Variants in ITGAV observed in about 807,000 individuals in gnomAD.
ITGAV encodes the protein integrin alpha-V.
ITGAV carries 76 observed loss-of-function variants against 143.8 expected under a neutral mutation model. That is an observed-to-expected ratio of 0.53 (90% CI 0.44 to 0.64). The LOEUF is 0.64. Among genes scored for constraint, ITGAV ranks in the 30% least tolerant of loss-of-function variants. The pLI, the probability that ITGAV is intolerant of heterozygous loss-of-function variation, is 0.00. For synonymous variants in ITGAV, 453 were observed against 446.7 expected, an observed-to-expected ratio of 1.01 and a Z score of -0.18; for missense variants, 1,193 against 1,274.7, an observed-to-expected ratio of 0.94 and a Z score of 0.98.
chr2:186,616,341 C>T (rs576263380), intron 2 of ITGAV, among the ~76,000 whole-genome samples: 8 of 142,456 alleles, frequency 5.6e-5, no homozygotes, highest in East Asian at 2.0e-4. Flanking sequence ...TGCAGTGGCA[C>T]GATCTCGGCT....
chr2:186,668,659 T>A, intron 24 of ITGAV, 103 bp from the exon 25 acceptor site: 1 of 1,017,078 alleles, frequency 9.8e-7, no homozygotes, highest in Non-Finnish European at 1.5e-6. Context: ...ATTGCTGTTA[T>A]TTAAAACCTA....
Position 186,670,059 on chromosome 2 carries a change from A to C in ITGAV, c.2706+245A>C. The C allele has an allele frequency of 4.6e-6, 2 of 431,846 alleles. 1 individual carries two copies. Among genetic ancestry groups the C allele is most frequent in the South Asian group, 4.9e-5 (2 of 40,506 alleles). 26.8% of individuals were successfully genotyped at this position (431,846 alleles called of 1,614,324 possible). A position where few individuals can be genotyped will look rare whatever the true frequency, so the allele number is the denominator to read the frequency against. ...GTCCCAACTTTGATTCTCCTACTCT[A>C]GTTCTTTAACTGTCCTCTTTCTGGG... On this transcript the variant is annotated intron_variant, in intron 26 of 29. Coordinates refer to ENST00000261023, the MANE Select transcript of ITGAV (RefSeq NM_002210.5).
rs1689185554 is a variant in ITGAV at position 186,675,621 on chromosome 2, G to A, written c.2724G>A (p.Gln908=). The A allele has an allele frequency of 4.3e-6, 7 of 1,613,676 alleles. No homozygotes were observed. The highest frequency in any genetic ancestry group is 3.3e-5 in the Admixed American group (2 of 60,012). ...DIHTLGCGVA[Q]CLKIVCQVGR... ...TTTGGCAGGGTTGTGGAGTTGCTCA[G>A]TGCTTGAAGATTGTCTGCCAAGTTG... Residue 908 remains glutamine, a synonymous_variant, in exon 27 of 30, where the codon CAG becomes CAA. Transcript: ENST00000261023.
At chr2:186,614,859 T>C (rs1330721765) in intron 2 of ITGAV, among the ~76,000 whole-genome samples, 1 of 152,072 alleles carries the variant, frequency 6.6e-6, no homozygotes, top group Non-Finnish European at 1.5e-5. Flanking sequence ...AACAGTTTTA[T>C]TGAGATATAA....
intron 1 of ITGAV, among the ~76,000 whole-genome samples, chr2:186,593,890 A>G (rs753891884): frequency 2.0e-5 from 3 of 152,182 alleles, no homozygotes; most frequent in Admixed American, 6.5e-5. Flanking sequence ...TAACTGAACA[A>G]TTTTAAAATT....
intron 2 of ITGAV, among the ~76,000 whole-genome samples, chr2:186,616,149 T>G (rs914135240): frequency 6.6e-6 from 1 of 152,174 alleles, no homozygotes; most frequent in African/African-American, 2.4e-5. Flanking sequence ...GTACTGTTTA[T>G]GTACTACTAA....
At chr2:186,665,971 A>G (rs1266942425) in intron 21 of ITGAV, among the ~76,000 whole-genome samples, 2 of 152,158 alleles carry the variant, frequency 1.3e-5, no homozygotes, top group Non-Finnish European at 2.9e-5. Context: ...TTTCACGTGT[A>G]TTCAATGTTT....
intron 17 of ITGAV, among the ~76,000 whole-genome samples, chr2:186,657,554 A>G (rs1439112420): frequency 1.3e-5 from 2 of 152,220 alleles, no homozygotes; most frequent in East Asian, 3.8e-4. Context: ...TGTGACATCA[A>G]AATGTATAGG....
rs1559063761 is a variant in ITGAV, at chr2:186,659,108, C to T, written c.1790C>T (p.Thr597Ile). Residue 597 changes from threonine (T) to isoleucine (I), a missense_variant, in exon 18 of 30, where the codon ACA (threonine) becomes ATA (isoleucine). Physicochemically the swap from Thr to Ile is moderately conservative, Grantham distance 89 (BLOSUM62 -1). Transcript: ENST00000261023. ...ATGGAATATCGGTTGGATTATAGAA[C>T]AGCTGCTGATACAACAGGCTTGCAA... Reference protein sequence around the residue: ...IFMEYRLDYRTAADTTGLQPI... With the variant: ...IFMEYRLDYRIAADTTGLQPI... 6.2e-7 allele frequency: 1 copy of T among 1,611,648 alleles called. No homozygotes were observed. The highest frequency in any genetic ancestry group is 2.2e-5 in the East Asian group (1 of 44,838).
At chr2:186,622,491 G>A (rs1687557017) in intron 3 of ITGAV, 61 bp downstream of exon 3, 11 of 1,097,588 alleles carry the variant, frequency 1.0e-5, no homozygotes, top group Non-Finnish European at 1.5e-5. Flanking sequence ...AGACACAGAA[G>A]GTTTTATATT....
chr2:186,620,107 C>T (rs1455397975), intron 2 of ITGAV, among the ~76,000 whole-genome samples: 1 of 152,218 alleles, frequency 6.6e-6, no homozygotes, highest in Non-Finnish European at 1.5e-5. Flanking sequence ...ATTACCCACT[C>T]TTCTGCCTCT....
chr2:186,621,015 T>C (rs1019558150), intron 2 of ITGAV, among the ~76,000 whole-genome samples: 7 of 152,128 alleles, frequency 4.6e-5, no homozygotes, highest in Non-Finnish European at 1.0e-4. Context: ...TTAACAGAGG[T>C]CATTTCTTTA....
chr2:186,614,987 G>T (rs1347793740), intron 2 of ITGAV, among the ~76,000 whole-genome samples: 1 of 151,944 alleles, frequency 6.6e-6, no homozygotes, highest in African/African-American at 2.4e-5. Context: ...ACCCTAAAAA[G>T]AAATGTGTCC....
At chr2:186,619,634 T>C (rs929654196) in intron 2 of ITGAV, among the ~76,000 whole-genome samples, 1 of 152,222 alleles carries the variant, frequency 6.6e-6, no homozygotes, top group Admixed American at 6.5e-5. Flanking sequence ...GTATACATTA[T>C]ATGTATTGAA....
chr2:186,600,475 C>T (rs1436151386), intron 1 of ITGAV: 12 of 1,490,106 alleles, frequency 8.1e-6, no homozygotes, highest in Non-Finnish European at 1.1e-5. Flanking sequence ...AGAGACTTTC[C>T]TTTACCTAGA....
rs1689331476 is a variant in ITGAV at position 186,680,854 on chromosome 2, A to G, written c.*3562A>G. 1 of 152,638 alleles carries G rather than the reference A, an allele frequency of 6.6e-6. No homozygotes were observed. The highest frequency in any genetic ancestry group is 1.5e-5 in the Non-Finnish European group (1 of 68,012). The allele number at this position is 152,638 out of a possible 1,614,324, so 9.5% of individuals were successfully genotyped here. A position where few individuals can be genotyped will look rare whatever the true frequency, so the allele number is the denominator to read the frequency against. ...ACTGGTACAGTGTTCTGCTTGATTT[A>G]CAACATGTAACTTGTGACTGTACAA... is the stretch of plus-strand genomic sequence containing the variant. On this transcript the variant is annotated 3_prime_UTR_variant, in exon 30 of 30. Coordinates refer to ENST00000261023, the MANE Select transcript of ITGAV (RefSeq NM_002210.5).
rs1242767186 is a variant in ITGAV, at chr2:186,640,914, G to A, written c.904-1G>A. ...CATTTCATTTTCATCTTTTTATCCA[G>A]ATGGCTGCATATTTCGGATTTTCTG... On this transcript the variant is annotated splice_acceptor_variant, in intron 10 of 29. Coordinates refer to ENST00000261023, the MANE Select transcript of ITGAV (RefSeq NM_002210.5). LOFTEE classifies it high-confidence loss of function. 2 of 1,588,878 alleles carry A rather than the reference G, an allele frequency of 1.3e-6. No homozygotes were observed. Among genetic ancestry groups the A allele is most frequent in the Admixed American group, 1.7e-5 (1 of 58,662 alleles).
At chr2:186,660,467 G>A (rs1243793004) in intron 18 of ITGAV, 3 of 151,886 alleles carry the variant, frequency 2.0e-5, no homozygotes, top group African/African-American at 7.3e-5. Context: ...TTTGTTATTC[G>A]CTCTTGTTTT....
At chr2:186,617,245 T>G (rs2105678358) in intron 2 of ITGAV, among the ~76,000 whole-genome samples, 1 of 152,320 alleles carries the variant, frequency 6.6e-6, no homozygotes, top group African/African-American at 2.4e-5. Flanking sequence ...GGGATATTCT[T>G]TTGGCATGAA....
Sources: gnomAD v4.1 joint callset for allele counts (sites outside exome capture counted in the v4.1 genomes callset) on GRCh38, gnomAD v4.1.1 for gene constraint, MANE v1.5 for transcripts, NCBI Gene and HGNC (gene_info 2026-07-23, HGNC 2026-07-21) for gene names.